FXYD3: variants seen among roughly 807,000 people sequenced by gnomAD.
FXYD3 encodes FXYD domain-containing ion transport regulator 3.
FXYD3 carries 13 observed loss-of-function variants against 19.2 expected under a neutral mutation model. The observed-to-expected ratio is 0.68, with a 90% confidence interval of 0.44 to 1.08. FXYD3 has a LOEUF of 1.08. Among genes scored for constraint, FXYD3 ranks in the 50% least tolerant of loss-of-function variants. The pLI, the probability that FXYD3 is intolerant of heterozygous loss-of-function variation, is 0.00. For missense variants in FXYD3, 101 were observed against 109.4 expected, an observed-to-expected ratio of 0.92 and a Z score of 0.34; for synonymous variants, 48 against 38.9, an observed-to-expected ratio of 1.23 and a Z score of -0.87.
At chr19:35,118,370 AAAAAAC>A in intron 2 of FXYD3, 2 of 697,498 alleles carry the variant, frequency 2.9e-6, no homozygotes, top group African/African-American at 3.9e-5. Context: ...AAAAAAAAAA[AAAAAAC>A]AATTATGATA....
intron 3 of FXYD3, among the ~76,000 whole-genome samples, 156 bp from the exon 4 acceptor site, chr19:35,120,922 G>A (rs974862350): frequency 1.1e-4 from 16 of 152,178 alleles, no homozygotes; most frequent in African/African-American, 3.6e-4. Context: ...ACATTTCCTC[G>A]TTGGGATATG....
At position 35,123,801 on chromosome 19, in the gene FXYD3, G is replaced by A; in HGVS notation, c.*344G>A. Reference sequence around the variant, plus strand: ...CACAGGCCTGTTCCCTTGTGGCTTGGGACATGGCACAGGCCCGCCCTCTGC... The same window carrying A: ...CACAGGCCTGTTCCCTTGTGGCTTGAGACATGGCACAGGCCCGCCCTCTGC... On this transcript the variant is annotated 3_prime_UTR_variant, in exon 9 of 9. Transcript: ENST00000604404. The A allele has an allele frequency of 2.4e-6, 1 of 412,330 alleles. No individual in the cohort carries two copies. Among genetic ancestry groups the A allele is most frequent in the Non-Finnish European group, 4.4e-6 (1 of 225,466 alleles). The allele number at this position is 412,330 out of a possible 1,614,324, so 25.5% of individuals were successfully genotyped here.
intron 7 of FXYD3, 79 bp downstream of exon 7, chr19:35,123,033 A>G (rs987931080): frequency 6.7e-7 from 1 of 1,499,478 alleles, no homozygotes; most frequent in African/African-American, 1.4e-5. Flanking sequence ...TCCCAGCAGG[A>G]GAGGCCTCGG....
At chr19:35,120,605 C>A (rs894249744) in intron 3 of FXYD3, among the ~76,000 whole-genome samples, 2 of 152,190 alleles carry the variant, frequency 1.3e-5, no homozygotes, top group African/African-American at 4.8e-5. Context: ...TCAATAAAGT[C>A]TATTTAAGTG....
At position 35,123,778 on chromosome 19, in the gene FXYD3, C is replaced by T. The variant is rs2065103218; in HGVS notation, c.*321C>T. Reference sequence around the variant, plus strand: ...GAGCCTGCTTGTTGGGAAAAGCCCACAGGCCTGTTCCCTTGTGGCTTGGGA... The same window carrying T: ...GAGCCTGCTTGTTGGGAAAAGCCCATAGGCCTGTTCCCTTGTGGCTTGGGA... On this transcript the variant is annotated 3_prime_UTR_variant, in exon 9 of 9. Coordinates refer to ENST00000604404, the MANE Select transcript of FXYD3 (RefSeq NM_005971.4). 4.3e-6 allele frequency: 2 copies of T among 462,408 alleles called. No homozygotes were observed. Among genetic ancestry groups the T allele is most frequent in the East Asian group, 3.9e-5 (1 of 25,928 alleles). The allele number at this position is 462,408 out of a possible 1,614,324, so 28.6% of individuals were successfully genotyped here.
chr19:35,119,656 T>TC (rs1294251013), intron 3 of FXYD3: 19 of 485,758 alleles, frequency 3.9e-5, no homozygotes, highest in African/African-American at 7.4e-5. Context: ...TTTTTTTGGC[T>TC]TTTTTTGTTT....
chr19:35,116,280 GC>G lies in FXYD3; in HGVS notation c.-93del, dbSNP rs2064883614. ...CCTGCCCAGGTTTGCTTAGGGCGTG[GC>G]AGCTTCGGATAAACGCAGGACTCCG... On this transcript the variant is annotated 5_prime_UTR_variant, in exon 2 of 9. Transcript: ENST00000604404. 1.0e-6 allele frequency: 1 copy of G among 985,316 alleles called. No homozygotes were observed. Among genetic ancestry groups the G allele is most frequent in the Admixed American group, 6.1e-5 (1 of 16,266 alleles). 61.0% of individuals were successfully genotyped at this position (985,316 alleles called of 1,614,324 possible).
At chr19:35,117,573 G>A (rs956198523) in intron 2 of FXYD3, among the ~76,000 whole-genome samples, 7 of 151,740 alleles carry the variant, frequency 4.6e-5, no homozygotes, top group Admixed American at 2.6e-4. Flanking sequence ...TTATTACCAG[G>A]ACTCGTATGG....
chr19:35,117,519 G>A (rs2064919543), intron 2 of FXYD3: 1 of 775,846 alleles, frequency 1.3e-6, no homozygotes, highest in South Asian at 3.2e-5. Flanking sequence ...GTGGGAAGCT[G>A]AGAAAATGCC....
chr19:35,122,937 GT>G lies in FXYD3; in HGVS notation c.195del (p.Phe65LeufsTer85). 1 of 1,604,470 alleles carries G rather than the reference GT, an allele frequency of 6.2e-7. No homozygotes were observed. The highest frequency in any genetic ancestry group is 8.5e-7 in the Non-Finnish European group (1 of 1,174,470). ...CAACAGGTGCAAAATGCAAATGCAA[GT>G]TTGGCCAGAAGTCCGGGTAAGATAC... ...IVMSAKCKCK[F>X]GQKSGHHPGE... is the part of the protein sequence containing the mutation. On this transcript the variant is annotated frameshift_variant, in exon 7 of 9. Coordinates refer to ENST00000604404, the MANE Select transcript of FXYD3 (RefSeq NM_005971.4). LOFTEE classifies it high-confidence loss of function.
chr19:35,121,289 C>A (rs1470422962), intron 5 of FXYD3, 44 bp downstream of exon 5: 1 of 1,614,182 alleles, frequency 6.2e-7, no homozygotes. Flanking sequence ...ACCCCACATA[C>A]TGCTTGGTGC....
At position 35,120,495 on chromosome 19, in the gene FXYD3, C is replaced by T. The variant is rs1051784255; in HGVS notation, c.41-583C>T. Among the ~76,000 whole-genome samples the T allele has an allele frequency of 5.9e-5, 9 of 152,240 alleles. No individual in the cohort carries two copies. In the South Asian group the frequency reaches 8.3e-4, roughly 14 times the overall value. Reference sequence around the variant, plus strand: ...CTCCCAGGCTCAAGAGATCCTTCCACGTCAGCCTCCCAAAGCTCTGGGATT... The same window carrying T: ...CTCCCAGGCTCAAGAGATCCTTCCATGTCAGCCTCCCAAAGCTCTGGGATT... On this transcript the variant is annotated intron_variant, in intron 3 of 8. Coordinates refer to ENST00000604404, the MANE Select transcript of FXYD3 (RefSeq NM_005971.4).
chr19:35,123,225 G>A lies in FXYD3; in HGVS notation c.210-46G>A, dbSNP rs753099803. The A allele has an allele frequency of 7.1e-6, 11 of 1,550,930 alleles. No homozygotes were observed. In the South Asian group the frequency reaches 1.4e-4, roughly 19 times the overall value. On this transcript the variant is annotated intron_variant, in intron 7 of 8. Transcript: ENST00000604404. Reference sequence around the variant, plus strand: ...TAAGAACCCTCTATCCGGAGGGAGAGGGCAAATGGGGGCGGACACCAATCT... The same window carrying A: ...TAAGAACCCTCTATCCGGAGGGAGAAGGCAAATGGGGGCGGACACCAATCT...
chr19:35,123,593 A>T lies in FXYD3; in HGVS notation c.*136A>T. 1.2e-6 allele frequency: 1 copy of T among 850,108 alleles called. No homozygotes were observed. Among genetic ancestry groups the T allele is most frequent in the Non-Finnish European group, 1.9e-6 (1 of 527,680 alleles). 52.7% of individuals were successfully genotyped at this position (850,108 alleles called of 1,614,324 possible). On this transcript the variant is annotated 3_prime_UTR_variant, in exon 9 of 9. Transcript: ENST00000604404. Reference sequence around the variant, plus strand: ...CCTTTGCATGGCAGGGCCTCATCTCACCTCTCGCAAGAGGGTCTCTTTGTT... The same window carrying T: ...CCTTTGCATGGCAGGGCCTCATCTCTCCTCTCGCAAGAGGGTCTCTTTGTT...
chr19:35,123,455 T>C lies in FXYD3; in HGVS notation c.262T>C (p.Ter88ArgextTer1). 6.2e-7 allele frequency: 1 copy of C among 1,614,130 alleles called. No homozygotes were observed. The highest frequency in any genetic ancestry group is 8.5e-7 in the Non-Finnish European group (1 of 1,180,024). Residue 88 changes from the stop codon to arginine, a stop_lost, in exon 9 of 9, where the codon TGA becomes CGA. Transcript: ENST00000604404. ...PLITPGSAQS[*>R] ...ACTTCCCGCAGGCTCAGCCCAAAGC[T>C]GATGAGGACAGACCAGCTGAAATTG...
At chr19:35,119,197 G>C (rs770357800) in intron 2 of FXYD3, 166 bp from the exon 3 acceptor site, 1 of 1,570,102 alleles carries the variant, frequency 6.4e-7, no homozygotes, top group Non-Finnish European at 8.6e-7. Flanking sequence ...CCCACTCCAC[G>C]GTGCAGCTGC....
At chr19:35,117,757 C>CAAAAAAAAAAAAAAAAAA (rs67977522) in intron 2 of FXYD3, among the ~76,000 whole-genome samples, 16,749 of 64,276 alleles carry the variant, frequency 0.26, 2,983 homozygotes, top group East Asian at 0.57. Flanking sequence ...TTTCTTCCCG[C>CAAAAAAAAAAAAAAAAAA]AAAAAAAGGA....
rs780269445 is a variant in FXYD3, at chr19:35,116,985, T to C, written c.-15+626T>C. The C allele has an allele frequency of 7.5e-5, 74 of 985,140 alleles. No homozygotes were observed. The Middle Eastern group carries it at 3.7e-3, about 49-fold the overall frequency. 61.0% of individuals were successfully genotyped at this position (985,140 alleles called of 1,614,324 possible). Reference sequence around the variant, plus strand: ...CCCTGAACATGAGACCATTCTCCCATGGTATGGAGGAATAGAGGGGATAGC... The same window carrying C: ...CCCTGAACATGAGACCATTCTCCCACGGTATGGAGGAATAGAGGGGATAGC... On this transcript the variant is annotated intron_variant, in intron 2 of 8. Coordinates refer to ENST00000604404, the MANE Select transcript of FXYD3 (RefSeq NM_005971.4).
intron 2 of FXYD3, 142 bp downstream of exon 2, chr19:35,116,501 A>G: frequency 1.0e-6 from 1 of 985,536 alleles, no homozygotes; most frequent in Non-Finnish European, 1.2e-6. Flanking sequence ...TTCTGGAGCC[A>G]GGAGATAAAC....
Sources: allele counts gnomAD v4.1 joint callset (sites outside exome capture counted in the v4.1 genomes callset), GRCh38; gene constraint gnomAD v4.1.1; transcripts MANE v1.5; gene names NCBI Gene and HGNC (gene_info 2026-07-23, HGNC 2026-07-21).